Variants in RELCH observed in about 807,000 individuals in gnomAD.
RELCH encodes RAB11-binding protein RELCH.
Under a neutral mutation model 150.3 loss-of-function variants are expected in RELCH, and 41 were observed. The observed-to-expected ratio is 0.27, with a 90% CI of 0.21 to 0.35. RELCH has a LOEUF of 0.35. Ranked by LOEUF, RELCH falls within the 10% of genes least tolerant of loss-of-function variation. The pLI is 1.00. For missense variants in RELCH, 1,092 were observed against 1,467.8 expected (o/e 0.74, Z 4.18); for synonymous variants, 478 against 531.8 (o/e 0.90, Z 1.39).
At chr18:62,197,509 T>C (rs2039128533) in intron 1 of RELCH, among the ~76,000 whole-genome samples, 2 of 152,290 alleles carry the variant, frequency 1.3e-5, no homozygotes, top group South Asian at 2.1e-4. Context: ...ACAATACTTA[T>C]ATCTGAATTA....
intron 19 of RELCH, 77 bp downstream of exon 19, chr18:62,266,826 T>G: frequency 1.2e-6 from 1 of 831,842 alleles, no homozygotes; most frequent in South Asian, 1.7e-5. Flanking sequence ...TCCATATATG[T>G]AAATTGTATA....
intron 22 of RELCH, among the ~76,000 whole-genome samples, chr18:62,279,321 G>A (rs2044380570): frequency 6.6e-6 from 1 of 152,176 alleles, no homozygotes; most frequent in East Asian, 1.9e-4. Context: ...ACAATAATAA[G>A]TGGTTTAGTG....
At chr18:62,188,496 A>G (rs1253777654) in intron 1 of RELCH, among the ~76,000 whole-genome samples, 1 of 152,246 alleles carries the variant, frequency 6.6e-6, no homozygotes, top group African/African-American at 2.4e-5. Flanking sequence ...AGTCAGATGT[A>G]CTTAAGACCC....
intron 22 of RELCH, chr18:62,277,836 C>G: frequency 1.1e-6 from 1 of 878,080 alleles, no homozygotes; most frequent in African/African-American, 1.8e-5. Context: ...AATAAATTTC[C>G]CAAAAGATGC....
chr18:62,299,881 C>T (rs1164525775), intron 28 of RELCH, among the ~76,000 whole-genome samples: 1 of 152,156 alleles, frequency 6.6e-6, no homozygotes, highest in East Asian at 1.9e-4. Context: ...AACATAAACA[C>T]AATATCATTA....
intron 10 of RELCH, among the ~76,000 whole-genome samples, chr18:62,232,704 A>G (rs2041653851): frequency 6.6e-6 from 1 of 152,092 alleles, no homozygotes. Flanking sequence ...TTTATGTGCC[A>G]TGAACACTGT....
chr18:62,210,749 G>C (rs1440398038), intron 1 of RELCH, among the ~76,000 whole-genome samples: 2 of 152,258 alleles, frequency 1.3e-5, no homozygotes, highest in East Asian at 3.9e-4. Flanking sequence ...ACTGGTTTTT[G>C]TGTATCAAGT....
At chr18:62,276,848 A>G (rs2044237343) in intron 22 of RELCH, among the ~76,000 whole-genome samples, 1 of 152,018 alleles carries the variant, frequency 6.6e-6, no homozygotes, top group Non-Finnish European at 1.5e-5. Flanking sequence ...CAAAGCCACT[A>G]TTTGGTTTTA....
intron 10 of RELCH, among the ~76,000 whole-genome samples, chr18:62,238,951 G>A (rs1042689933): frequency 1.1e-4 from 16 of 152,032 alleles, no homozygotes; most frequent in East Asian, 1.9e-4. Context: ...CAGACCTCCC[G>A]TCTTATGAGA....
Position 62,258,107 on chromosome 18 carries a change from A to G in RELCH, c.2037+19A>G, listed in dbSNP as rs1288903230. 1.9e-6 allele frequency: 3 copies of G among 1,566,954 alleles called. No individual in the cohort carries two copies. Among genetic ancestry groups the G allele is most frequent in the Non-Finnish European group, 2.6e-6 (3 of 1,149,314 alleles). On this transcript the variant is annotated intron_variant, in intron 14 of 28. Transcript: ENST00000644646. ...TCATCAGGTATGTTTTTCAGAATGA[A>G]CTGATTTTACTCCATTATAAAATTC... is the stretch of plus-strand genomic sequence containing the variant.
chr18:62,258,513 GT>G lies in RELCH; in HGVS notation c.2043del (p.Phe681LeufsTer15). On this transcript the variant is annotated frameshift_variant and splice_region_variant, in exon 15 of 29. Coordinates refer to ENST00000644646, the MANE Select transcript of RELCH (RefSeq NM_001346231.2). LOFTEE classifies it high-confidence loss of function. The part of the protein sequence containing the change: ...YIDDPDKYHQ[G>X]FELLLSALGD... ...CATTTGCCTTTTTCTCATTGACAGG[GT>G]TTTGAATTGTTGCTGTCAGCCTTGG... 1.2e-6 allele frequency: 2 copies of G among 1,604,024 alleles called. No homozygotes were observed.
In RELCH at chr18:62,274,024, G is replaced by T; in HGVS notation, c.2805G>T (p.Met935Ile). 1 of 1,613,200 alleles carries T rather than the reference G, an allele frequency of 6.2e-7. No individual in the cohort carries two copies. Among genetic ancestry groups the T allele is most frequent in the South Asian group, 1.1e-5 (1 of 91,032 alleles). Residue 935 changes from methionine (M) to isoleucine (I), a missense_variant, in exon 21 of 29, where the codon ATG becomes ATT. By Grantham distance (10) the Met-to-Ile change is conservative. Coordinates refer to ENST00000644646, the MANE Select transcript of RELCH (RefSeq NM_001346231.2). ...TAGTTGGATTCTTAGAAGATGTAAT[G>T]ACGCTGCTTTCATTATCTCATGCTC... ...KLLVGFLEDV[M>I]TLLSLSHAPL...
chr18:62,296,546 A>G (rs961158221), intron 27 of RELCH, among the ~76,000 whole-genome samples: 1 of 152,046 alleles, frequency 6.6e-6, no homozygotes, highest in Non-Finnish European at 1.5e-5. Flanking sequence ...AGATCACGCC[A>G]TTGCACTCCA....
chr18:62,292,363 GACTCC>G (rs1278153531), intron 27 of RELCH, among the ~76,000 whole-genome samples: 28 of 152,120 alleles, frequency 1.8e-4, no homozygotes, highest in Admixed American at 1.8e-3. Flanking sequence ...TGGCTCCTGG[GACTCC>G]ACTTCTATTC....
Position 62,188,107 on chromosome 18 carries a change from T to C in RELCH, c.526+76T>C, listed in dbSNP as rs1417771337. On this transcript the variant is annotated intron_variant, in intron 1 of 28. Transcript: ENST00000644646. ...GAGTTACTGTAGGGGAGAGGGGGTA[T>C]TTCTGCGTGGGTCCCGATAGGGACA... 2.8e-6 allele frequency: 4 copies of C among 1,418,628 alleles called. No individual in the cohort carries two copies. In the African/African-American group the frequency reaches 5.7e-5, roughly 20 times the overall value. 87.9% of individuals were successfully genotyped at this position (1,418,628 alleles called of 1,614,324 possible).
intron 20 of RELCH, among the ~76,000 whole-genome samples, chr18:62,272,810 G>T (rs2043978103): frequency 6.7e-6 from 1 of 148,790 alleles, no homozygotes. Flanking sequence ...TTCACATTTA[G>T]GTTTTTCTCA....
intron 2 of RELCH, among the ~76,000 whole-genome samples, chr18:62,213,240 A>G (rs2040277201): frequency 6.6e-6 from 1 of 152,076 alleles, no homozygotes; most frequent in African/African-American, 2.4e-5. Flanking sequence ...TTATTGTACA[A>G]ATTGTTACAT....
chr18:62,200,726 T>G lies in RELCH; in HGVS notation c.527-10427T>G, dbSNP rs2039377012. Among the ~76,000 whole-genome samples, 7 of 152,186 alleles carry G rather than the reference T, an allele frequency of 4.6e-5. No homozygotes were observed. The South Asian group carries it at 1.5e-3, about 32-fold the overall frequency. On this transcript the variant is annotated intron_variant, in intron 1 of 28. Transcript: ENST00000644646. Reference sequence around the variant, plus strand: ...CAAGCCTTCCAAATAATTTCAGAACTGACCTTGAGTGGGAGGAGGCAGAGT... The same window carrying G: ...CAAGCCTTCCAAATAATTTCAGAACGGACCTTGAGTGGGAGGAGGCAGAGT...
intron 16 of RELCH, 134 bp from the exon 17 acceptor site, chr18:62,263,855 A>G: frequency 1.7e-6 from 1 of 600,654 alleles, no homozygotes; most frequent in Non-Finnish European, 2.7e-6. Flanking sequence ...GTGTATTTCA[A>G]TTTTATATTT....
Sources: allele counts gnomAD v4.1 joint callset (sites outside exome capture counted in the v4.1 genomes callset), GRCh38; gene constraint gnomAD v4.1.1; transcripts MANE v1.5; gene names NCBI Gene and HGNC (gene_info 2026-07-23, HGNC 2026-07-21).